The following CNTNAP2 variants were observed in gnomAD, a reference collection of about 807,000 sequenced individuals.
CNTNAP2 encodes the protein contactin associated protein 2.
Under a neutral mutation model 155.2 loss-of-function variants are expected in CNTNAP2, and 98 were observed. The ratio of observed to expected loss-of-function variants is 0.63; its 90% CI spans 0.54 to 0.75. The LOEUF (loss-of-function observed/expected upper bound fraction) is 0.75. Ranked by LOEUF, CNTNAP2 falls within the 30% of genes least tolerant of loss-of-function variation. The pLI, the probability that CNTNAP2 is intolerant of heterozygous loss-of-function variation, is 0.00. For synonymous variants in CNTNAP2, 651 were observed against 631.2 expected, an observed-to-expected ratio of 1.03 and a Z score of -0.47; for missense variants, 1,727 against 1,688.1, an observed-to-expected ratio of 1.02 and a Z score of -0.40.
chr7:146,306,034 A>G (rs562639272), intron 1 of CNTNAP2, among the ~76,000 whole-genome samples: 1 of 152,270 alleles, frequency 6.6e-6, no homozygotes, highest in African/African-American at 2.4e-5. Context: ...AGAAGAATCA[A>G]ATAGACGCAA....
At chr7:146,971,890 A>G (rs567118300) in intron 3 of CNTNAP2, among the ~76,000 whole-genome samples, 2 of 152,332 alleles carry the variant, frequency 1.3e-5, no homozygotes, top group South Asian at 4.1e-4. Flanking sequence ...TTTATTGCTT[A>G]TCTAACGCTC....
At chr7:146,927,958 G>GTGTA (rs1318973509) in intron 3 of CNTNAP2, among the ~76,000 whole-genome samples, 1 of 122,552 alleles carries the variant, frequency 8.2e-6, no homozygotes, top group African/African-American at 2.9e-5. Flanking sequence ...TATAATGTGT[G>GTGTA]TGTATATATA....
intron 8 of CNTNAP2, among the ~76,000 whole-genome samples, chr7:147,162,672 A>G (rs981175041): frequency 1.3e-5 from 2 of 152,154 alleles, no homozygotes; most frequent in Non-Finnish European, 2.9e-5. Context: ...GTAGTAGTTA[A>G]CCAGCACCCT....
chr7:148,086,557 T>C (rs1803732555), intron 15 of CNTNAP2, among the ~76,000 whole-genome samples: 1 of 152,258 alleles, frequency 6.6e-6, no homozygotes, highest in Non-Finnish European at 1.5e-5. Flanking sequence ...TCAGTATTTT[T>C]AGATTAAAAT....
chr7:146,910,318 T>C (rs2129216649), intron 3 of CNTNAP2, among the ~76,000 whole-genome samples: 1 of 150,230 alleles, frequency 6.7e-6, no homozygotes. Context: ...AAAGTTCATA[T>C]GGTACCAAAA....
chr7:148,259,179 TAAAAAAAAA>T (rs34229180), intron 20 of CNTNAP2, among the ~76,000 whole-genome samples: 110 of 24,030 alleles, frequency 4.6e-3, no homozygotes, highest in African/African-American at 0.016. Context: ...AACTCCGTCT[TAAAAAAAAA>T]AAAAAAAAAA....
chr7:147,512,049 TA>T (rs2116691110), intron 11 of CNTNAP2, among the ~76,000 whole-genome samples: 1 of 152,312 alleles, frequency 6.6e-6, no homozygotes, highest in African/African-American at 2.4e-5. Flanking sequence ...AGAGTCTTAG[TA>T]AGATACAAAC....
intron 12 of CNTNAP2, among the ~76,000 whole-genome samples, chr7:147,568,344 G>A (rs150467533): frequency 3.8e-4 from 58 of 152,144 alleles, no homozygotes; most frequent in Middle Eastern, 3.4e-3. Flanking sequence ...ATTTTTTATC[G>A]TAAGGCAGTA....
chr7:146,695,524 C>G (rs556315176), intron 1 of CNTNAP2, among the ~76,000 whole-genome samples: 1 of 152,228 alleles, frequency 6.6e-6, no homozygotes, highest in African/African-American at 2.4e-5. Context: ...AGGTGATTCT[C>G]CCACCTCAGC....
chr7:148,229,400 C>G (rs1795918460), intron 19 of CNTNAP2, among the ~76,000 whole-genome samples: 2 of 152,106 alleles, frequency 1.3e-5, no homozygotes, highest in African/African-American at 4.8e-5. Context: ...TGGCAGGTGC[C>G]TGTAATGCCA....
intron 8 of CNTNAP2, among the ~76,000 whole-genome samples, chr7:147,257,411 A>C (rs971608406): frequency 7.2e-5 from 11 of 152,120 alleles, no homozygotes; most frequent in African/African-American, 2.7e-4. Context: ...ACCTAGGAGC[A>C]CTCCTTTGGG....
chr7:147,569,964 T>G (rs1053181557), intron 12 of CNTNAP2, among the ~76,000 whole-genome samples: 1 of 152,176 alleles, frequency 6.6e-6, no homozygotes, highest in Admixed American at 6.5e-5. Context: ...GACTGACGTC[T>G]CCTATTCTTA....
intron 1 of CNTNAP2, among the ~76,000 whole-genome samples, chr7:146,582,531 G>A (rs1415937812): frequency 1.3e-5 from 2 of 152,060 alleles, no homozygotes; most frequent in African/African-American, 2.4e-5. Flanking sequence ...GATTTATAAC[G>A]CAAGCCCTGA....
intron 1 of CNTNAP2, among the ~76,000 whole-genome samples, chr7:146,416,665 G>T (rs1795942394): frequency 3.3e-5 from 5 of 152,072 alleles, no homozygotes; most frequent in Admixed American, 3.3e-4. Flanking sequence ...AGAGGCAAAA[G>T]GACTTCTTGG....
chr7:147,992,587 C>T (rs953275919), intron 15 of CNTNAP2, among the ~76,000 whole-genome samples: 1 of 152,180 alleles, frequency 6.6e-6, no homozygotes, highest in Non-Finnish European at 1.5e-5. Flanking sequence ...CATAGTTTCT[C>T]ATTAAGTCCA....
intron 2 of CNTNAP2, among the ~76,000 whole-genome samples, chr7:146,794,157 G>A (rs1380776403): frequency 6.6e-6 from 1 of 152,204 alleles, no homozygotes; most frequent in Non-Finnish European, 1.5e-5. Context: ...CCCTTGGATA[G>A]TCTGTTTCAT....
intron 15 of CNTNAP2, among the ~76,000 whole-genome samples, chr7:148,103,479 A>G (rs1337111102): frequency 1.3e-5 from 2 of 152,182 alleles, no homozygotes; most frequent in Admixed American, 6.5e-5. Flanking sequence ...CTTCATTCAC[A>G]TTATATTTAT....
intron 17 of CNTNAP2, among the ~76,000 whole-genome samples, chr7:148,161,300 G>A (rs769651285): frequency 2.0e-5 from 3 of 151,992 alleles, no homozygotes; most frequent in East Asian, 1.9e-4. Flanking sequence ...CCCTTATTTC[G>A]CAGTGCTTGC....
chr7:147,123,122 TA>T (rs1409972579), intron 6 of CNTNAP2, among the ~76,000 whole-genome samples: 1 of 151,756 alleles, frequency 6.6e-6, no homozygotes, highest in Non-Finnish European at 1.5e-5. Flanking sequence ...TCCCTCCCCC[TA>T]AAAAAAACTC....
Sources: gnomAD v4.1 joint callset for allele counts (sites outside exome capture counted in the v4.1 genomes callset) on GRCh38, gnomAD v4.1.1 for gene constraint, MANE v1.5 for transcripts, NCBI Gene and HGNC (gene_info 2026-07-23, HGNC 2026-07-21) for gene names.